RAB3IP: variants seen among roughly 807,000 people sequenced by gnomAD.
RAB3IP encodes RAB3A interacting protein.
RAB3IP carries 36 observed loss-of-function variants against 59.1 expected under a neutral mutation model. That is an observed-to-expected ratio of 0.61 (90% confidence interval 0.47 to 0.80). The LOEUF is 0.80. Among genes scored for constraint, RAB3IP ranks in the 30% least tolerant of loss-of-function variants. RAB3IP has a pLI of 0.00. For missense variants in RAB3IP, 511 were observed against 536.0 expected (o/e 0.95, Z 0.46); for synonymous variants, 207 against 191.2 (o/e 1.08, Z -0.68).
At chr12:69,789,265 A>G (rs1565907365) in intron 4 of RAB3IP, among the ~76,000 whole-genome samples, 1 of 152,044 alleles carries the variant, frequency 6.6e-6, no homozygotes, top group Non-Finnish European at 1.5e-5. Flanking sequence ...AGCTAGACAA[A>G]CCAAGAGAAG....
In RAB3IP at chr12:69,818,017, A is replaced by G. The variant is rs1881313806; in HGVS notation, c.*2571A>G. 6.6e-6 allele frequency: 1 copy of G among 151,886 alleles called. No homozygotes were observed. Among genetic ancestry groups the G allele is most frequent in the African/African-American group, 2.4e-5 (1 of 41,358 alleles). 9.4% of individuals were successfully genotyped at this position (151,886 alleles called of 1,614,324 possible). Reference sequence around the variant, plus strand: ...AATCAGGAAAACGTAAATCAAGATGACAATGACATGTTCAAATTCATTCGA... The same window carrying G: ...AATCAGGAAAACGTAAATCAAGATGGCAATGACATGTTCAAATTCATTCGA... On this transcript the variant is annotated 3_prime_UTR_variant, in exon 11 of 11. Transcript: ENST00000247833.
intron 3 of RAB3IP, among the ~76,000 whole-genome samples, chr12:69,763,606 T>A (rs528918179): frequency 6.6e-6 from 1 of 152,030 alleles, no homozygotes; most frequent in South Asian, 2.1e-4. Flanking sequence ...CTTGTTAAAA[T>A]TTTTTTTTCT....
chr12:69,741,749 T>C (rs991355410), intron 1 of RAB3IP, among the ~76,000 whole-genome samples: 1 of 152,254 alleles, frequency 6.6e-6, no homozygotes, highest in Non-Finnish European at 1.5e-5. Flanking sequence ...ACAGTTTGTC[T>C]TCCATGTCTG....
rs116830407 is a variant in RAB3IP at position 69,742,028 on chromosome 12, G to A, written c.-26+2997G>A. 2.0e-3 allele frequency among the ~76,000 whole-genome samples: 299 copies of A among 152,298 alleles called. 3 individuals carry two copies. Among genetic ancestry groups the A allele is most frequent in the African/African-American group, 7.0e-3 (289 of 41,560 alleles). On this transcript the variant is annotated intron_variant, in intron 1 of 10. Transcript: ENST00000247833. Reference sequence around the variant, plus strand: ...AAGGAAACTGTTCTTAAGGAATATGGAAGGTAGGGCCTTATAATCATTCCC... The same window carrying A: ...AAGGAAACTGTTCTTAAGGAATATGAAAGGTAGGGCCTTATAATCATTCCC...
Position 69,756,514 on chromosome 12 carries a change from G to C in RAB3IP, c.361G>C (p.Gly121Arg), listed in dbSNP as rs755803279. 1.2e-6 allele frequency: 2 copies of C among 1,614,058 alleles called. No homozygotes were observed. Among genetic ancestry groups the C allele is most frequent in the Non-Finnish European group, 1.7e-6 (2 of 1,179,998 alleles). Residue 121 changes from glycine to arginine, a missense_variant, in exon 3 of 11, where the codon GGT (glycine) becomes CGT (arginine). Gly to Arg is a moderately radical substitution (Grantham distance 125, BLOSUM62 -2). Transcript: ENST00000247833. ...NYNAEREFLQGATITEACDGS... is the reference protein window; with the variant it reads ...NYNAEREFLQRATITEACDGS... ...TAATGCAGAGAGAGAGTTTTTACAG[G>C]GTGCTACTATAACAGAGGCTTGCGA...
chr12:69,739,642 G>C (rs1285866017), intron 1 of RAB3IP: 1 of 605,990 alleles, frequency 1.7e-6, no homozygotes, highest in Non-Finnish European at 2.9e-6. Context: ...CCGGGCAGGC[G>C]CCCGGAGTCG....
chr12:69,779,424 C>T (rs1374383787), intron 3 of RAB3IP, among the ~76,000 whole-genome samples: 1 of 152,158 alleles, frequency 6.6e-6, no homozygotes, highest in Non-Finnish European at 1.5e-5. Flanking sequence ...CCTATTCGGC[C>T]ATCTTGGCTC....
At chr12:69,769,055 G>A (rs150890346) in intron 3 of RAB3IP, among the ~76,000 whole-genome samples, 181 of 152,064 alleles carry the variant, frequency 1.2e-3, no homozygotes, top group African/African-American at 3.9e-3. Context: ...ATGGTTTTAT[G>A]GGGGGTAGTT....
Position 69,816,037 on chromosome 12 carries a change from A to G in RAB3IP, c.*591A>G, listed in dbSNP as rs1006435119. ...CCCTTTATTTTGGTTATTCATTAAAATATAATAGAAGGCAGTCAGATTTTA... is the reference window on the plus strand; with the variant it reads ...CCCTTTATTTTGGTTATTCATTAAAGTATAATAGAAGGCAGTCAGATTTTA... On this transcript the variant is annotated 3_prime_UTR_variant, in exon 11 of 11. Transcript: ENST00000247833. 1.2e-4 allele frequency: 19 copies of G among 152,534 alleles called. 1 individual carries two copies. The highest frequency in any genetic ancestry group is 4.6e-4 in the African/African-American group (19 of 41,584). The allele number at this position is 152,534 out of a possible 1,614,324, so 9.4% of individuals were successfully genotyped here. A position where few individuals can be genotyped will look rare whatever the true frequency, so the allele number is the denominator to read the frequency against.
At chr12:69,805,987 G>T (rs1282987293) in intron 8 of RAB3IP, among the ~76,000 whole-genome samples, 1 of 152,102 alleles carries the variant, frequency 6.6e-6, no homozygotes, top group African/African-American at 2.4e-5. Flanking sequence ...GCCCGGCTTT[G>T]GTATCAGGAT....
At chr12:69,799,471 A>G (rs1878036484) in intron 6 of RAB3IP, among the ~76,000 whole-genome samples, 2 of 152,146 alleles carry the variant, frequency 1.3e-5, no homozygotes, top group South Asian at 4.1e-4. Context: ...AAAGAGAGGG[A>G]TAGCTGGAGG....
intron 1 of RAB3IP, among the ~76,000 whole-genome samples, chr12:69,743,092 T>C (rs1364563132): frequency 1.3e-5 from 2 of 152,204 alleles, no homozygotes. Context: ...GTATATGAAT[T>C]GACAGCTTAG....
intron 3 of RAB3IP, among the ~76,000 whole-genome samples, chr12:69,762,756 CAAAAAAAAAA>C (rs11445702): frequency 1.3e-5 from 1 of 76,758 alleles, no homozygotes; most frequent in Non-Finnish European, 2.3e-5. Context: ...GACTCCGTCT[CAAAAAAAAAA>C]AAAAAAAAAA....
chr12:69,744,573 A>G (rs533120726), intron 1 of RAB3IP, among the ~76,000 whole-genome samples: 3 of 152,098 alleles, frequency 2.0e-5, no homozygotes, highest in African/African-American at 2.4e-5. Flanking sequence ...AAATACAAAA[A>G]ATTAGCTGGG....
chr12:69,773,165 C>G (rs930405870), intron 3 of RAB3IP, among the ~76,000 whole-genome samples: 1 of 152,054 alleles, frequency 6.6e-6, no homozygotes, highest in Non-Finnish European at 1.5e-5. Flanking sequence ...TGGTGCCAGG[C>G]ATATTGGAAT....
intron 8 of RAB3IP, among the ~76,000 whole-genome samples, chr12:69,807,865 A>C (rs1879720092): frequency 7.2e-6 from 1 of 138,704 alleles, no homozygotes. Context: ...CACCTCCCAG[A>C]CGGGGCGGCC....
At chr12:69,745,400 C>A (rs1022638376) in intron 1 of RAB3IP, among the ~76,000 whole-genome samples, 1 of 151,036 alleles carries the variant, frequency 6.6e-6, no homozygotes, top group African/African-American at 2.4e-5. Context: ...ATAGTAAATT[C>A]AAGTTTCTGT....
chr12:69,807,590 G>A (rs942873517), intron 8 of RAB3IP, among the ~76,000 whole-genome samples: 11 of 136,178 alleles, frequency 8.1e-5, no homozygotes, highest in East Asian at 2.3e-4. Context: ...GGACAGAGGC[G>A]CTCGCTTCCT....
At chr12:69,802,155 T>C (rs1029719869) in intron 8 of RAB3IP, among the ~76,000 whole-genome samples, 1 of 151,816 alleles carries the variant, frequency 6.6e-6, no homozygotes, top group African/African-American at 2.4e-5. Context: ...ATTTTTTTTA[T>C]TACACGTATA....
Sources: gnomAD v4.1 joint callset for allele counts (sites outside exome capture counted in the v4.1 genomes callset) on GRCh38, gnomAD v4.1.1 for gene constraint, MANE v1.5 for transcripts, NCBI Gene and HGNC (gene_info 2026-07-23, HGNC 2026-07-21) for gene names.